Variants in HSPA12A observed in about 807,000 individuals in gnomAD.
HSPA12A encodes heat shock protein family A (Hsp70) member 12A.
Under a neutral mutation model 69.2 loss-of-function variants are expected in HSPA12A, and 28 were observed. That is an observed-to-expected ratio of 0.40 (90% CI 0.30 to 0.55). The LOEUF (loss-of-function observed/expected upper bound fraction) is 0.55. HSPA12A is among the 20% of genes least tolerant of loss of function. The pLI is 0.38. For synonymous variants in HSPA12A, 345 were observed against 370.5 expected, an observed-to-expected ratio of 0.93 and a Z score of 0.79; for missense variants, 686 against 900.7, an observed-to-expected ratio of 0.76 and a Z score of 3.05.
At chr10:116,741,447 C>T (rs1167011273) in intron 1 of HSPA12A, among the ~76,000 whole-genome samples, 3 of 152,244 alleles carry the variant, frequency 2.0e-5, no homozygotes, top group African/African-American at 7.2e-5. Context: ...CTGTCGCTCC[C>T]GGGAAAGATG....
intron 2 of HSPA12A, among the ~76,000 whole-genome samples, chr10:116,826,729 T>C (rs1016230490): frequency 6.6e-6 from 1 of 152,234 alleles, no homozygotes; most frequent in African/African-American, 2.4e-5. Context: ...AGTTGGGCTA[T>C]GTAGCATTTC....
At chr10:116,677,534 C>A (rs564707654) in intron 10 of HSPA12A, among the ~76,000 whole-genome samples, 3 of 152,312 alleles carry the variant, frequency 2.0e-5, no homozygotes, top group South Asian at 4.1e-4. Context: ...GGATTCCAAA[C>A]AGAGGACAGG....
At position 116,672,697 on chromosome 10, in the gene HSPA12A, A is replaced by C. The variant is rs1258723133; in HGVS notation, c.*2084T>G. ...ATCGTAGAAACCAAGATTCTGTACA[A>C]TATTCTAACATTATATGTACATAAA... is the stretch of plus-strand genomic sequence containing the variant. On this transcript the variant is annotated 3_prime_UTR_variant, in exon 12 of 12. Transcript: ENST00000369209. 1 of 152,662 alleles carries C rather than the reference A, an allele frequency of 6.6e-6. No individual in the cohort carries two copies. The highest frequency in any genetic ancestry group is 1.9e-4 in the East Asian group (1 of 5,202). The allele number at this position is 152,662 out of a possible 1,614,324, so 9.5% of individuals were successfully genotyped here.
intron 2 of HSPA12A, among the ~76,000 whole-genome samples, chr10:116,776,506 G>GA (rs1278725942): frequency 2.6e-5 from 4 of 152,320 alleles, no homozygotes; most frequent in Non-Finnish European, 4.4e-5. Flanking sequence ...TTGGAATTCA[G>GA]AAAATTTTTT....
chr10:116,710,196 T>C lies in HSPA12A; in HGVS notation c.41-2911A>G, dbSNP rs1850381024. On this transcript the variant is annotated intron_variant, in intron 1 of 11. Transcript: ENST00000369209. This position sits in a 1 kb window ranked among gnomAD's most constrained non-coding sequence, Gnocchi z 4.1. ...AGCCCTTGGGCAGCCTGCGGAGAAA[T>C]GCCATCAGCACCAGAAGCCACCCTC... 6.6e-6 allele frequency among the ~76,000 whole-genome samples: 1 copy of C among 152,118 alleles called. No homozygotes were observed. Among genetic ancestry groups the C allele is most frequent in the African/African-American group, 2.4e-5 (1 of 41,424 alleles).
chr10:116,794,837 GT>G (rs1160472386), intron 2 of HSPA12A, among the ~76,000 whole-genome samples: 3 of 151,984 alleles, frequency 2.0e-5, no homozygotes, highest in African/African-American at 4.8e-5. Context: ...AAAGATAATA[GT>G]TTTTTTAAGT....
chr10:116,739,897 T>C (rs1589676153), intron 1 of HSPA12A, among the ~76,000 whole-genome samples: 2 of 151,128 alleles, frequency 1.3e-5, no homozygotes, highest in East Asian at 3.9e-4. Flanking sequence ...CCACCCCAAC[T>C]GCACTTGTTG....
chr10:116,685,537 A>G (rs1204555152), intron 6 of HSPA12A, among the ~76,000 whole-genome samples: 5 of 151,298 alleles, frequency 3.3e-5, no homozygotes, highest in African/African-American at 1.2e-4. Context: ...CGGGAGGCTG[A>G]GGCAGGAGAA....
chr10:116,787,334 T>C (rs1056404773), intron 2 of HSPA12A, among the ~76,000 whole-genome samples: 7 of 150,132 alleles, frequency 4.7e-5, no homozygotes, highest in African/African-American at 1.7e-4. Context: ...AAGCTGTGTA[T>C]AGAGGATATT....
rs200141439 is a variant in HSPA12A, at chr10:116,836,536, T to C, written c.4-1514A>G. Among the ~76,000 whole-genome samples, 6 of 152,164 alleles carry C rather than the reference T, an allele frequency of 3.9e-5. No homozygotes were observed. In the East Asian group the frequency reaches 1.2e-3, roughly 29 times the overall value. ...ATATAAAGTAATTGCCTGTAAAACATTGCTCTGCAACAACTACTACTTCCC... is the reference window on the plus strand; with the variant it reads ...ATATAAAGTAATTGCCTGTAAAACACTGCTCTGCAACAACTACTACTTCCC... On this transcript the variant is annotated intron_variant, in intron 1 of 12. Coordinates refer to the HSPA12A transcript ENST00000635765.
intron 2 of HSPA12A, among the ~76,000 whole-genome samples, chr10:116,754,113 C>A (rs1349524423): frequency 1.3e-5 from 2 of 152,208 alleles, no homozygotes; most frequent in Non-Finnish European, 2.9e-5. Flanking sequence ...GCTACACAGC[C>A]AGGTAATGCC....
At chr10:116,849,791 C>T, upstream of HSPA12A, 1 of 1,451,736 alleles carries the variant, frequency 6.9e-7, no homozygotes. Flanking sequence ...CCCCGCGCTG[C>T]GGCAACGCCT....
chr10:116,685,028 G>A (rs1460851691), intron 6 of HSPA12A, among the ~76,000 whole-genome samples: 2 of 152,314 alleles, frequency 1.3e-5, no homozygotes, highest in South Asian at 2.1e-4. Flanking sequence ...GTACACGGGT[G>A]TCCTCAGTTG....
chr10:116,762,148 G>A (rs1239217651), intron 2 of HSPA12A, among the ~76,000 whole-genome samples: 3 of 152,104 alleles, frequency 2.0e-5, no homozygotes, highest in South Asian at 2.1e-4. Context: ...AGCATAAGCC[G>A]CCTGGCCTGT....
At chr10:116,794,690 G>A (rs987390103) in intron 2 of HSPA12A, among the ~76,000 whole-genome samples, 2 of 152,146 alleles carry the variant, frequency 1.3e-5, no homozygotes, top group African/African-American at 2.4e-5. Context: ...CCATGCACCT[G>A]TAATCCCAGC....
upstream of HSPA12A, among the ~76,000 whole-genome samples, chr10:116,746,611 T>C (rs1160816020): frequency 6.6e-6 from 1 of 152,188 alleles, no homozygotes; most frequent in Non-Finnish European, 1.5e-5. Flanking sequence ...TAATGATAGG[T>C]ATCATAATTA....
At chr10:116,719,968 G>T (rs1850722675) in intron 1 of HSPA12A, among the ~76,000 whole-genome samples, 1 of 152,144 alleles carries the variant, frequency 6.6e-6, no homozygotes, top group African/African-American at 2.4e-5. Context: ...AAAGTAAAGG[G>T]CTTTACTGGG....
At chr10:116,833,283 C>A (rs1189768551) in intron 2 of HSPA12A, 2 of 152,234 alleles carry the variant, frequency 1.3e-5, no homozygotes, top group African/African-American at 4.8e-5. Context: ...GCAGGAACTG[C>A]CAGTTCGTCA....
At chr10:116,815,916 C>G (rs1845294134) in intron 2 of HSPA12A, among the ~76,000 whole-genome samples, 1 of 152,200 alleles carries the variant, frequency 6.6e-6, no homozygotes, top group Non-Finnish European at 1.5e-5. Context: ...CCTCTCGGCC[C>G]CCGCGGCCCT....
Sources: gnomAD v4.1 joint callset for allele counts (sites outside exome capture counted in the v4.1 genomes callset) on GRCh38, gnomAD v4.1.1 for gene constraint, Gnocchi (gnomAD v3.1) non-coding constraint, MANE v1.5 for transcripts, NCBI Gene and HGNC (gene_info 2026-07-23, HGNC 2026-07-21) for gene names.